GRM5: variants seen among roughly 807,000 people sequenced by gnomAD.
GRM5 encodes the protein metabotropic glutamate receptor 5.
In GRM5, 19 loss-of-function variants were observed where a neutral mutation model predicts 83.1. That is an observed-to-expected ratio of 0.23 (90% CI 0.16 to 0.34). GRM5 has a LOEUF of 0.34. Ranked by LOEUF, GRM5 falls within the 10% of genes least tolerant of loss-of-function variation. The pLI is 1.00. For synonymous variants in GRM5, 675 were observed against 633.6 expected (o/e 1.07, Z -0.98); for missense variants, 1,160 against 1,588.3 (o/e 0.73, Z 4.58).
intron 2 of GRM5, among the ~76,000 whole-genome samples, chr11:88,871,000 C>G (rs1373775022): frequency 6.6e-6 from 1 of 151,486 alleles, no homozygotes; most frequent in African/African-American, 2.4e-5. Flanking sequence ...GATGTGACCA[C>G]TGTACATTAT....
chr11:88,805,632 T>C (rs1399727881), intron 3 of GRM5, among the ~76,000 whole-genome samples: 1 of 152,252 alleles, frequency 6.6e-6, no homozygotes, highest in African/African-American at 2.4e-5. Flanking sequence ...GGTATTGATT[T>C]GACTATGAAT....
chr11:88,574,335 G>A (rs1943061579), intron 7 of GRM5, among the ~76,000 whole-genome samples: 1 of 152,136 alleles, frequency 6.6e-6, no homozygotes, highest in East Asian at 1.9e-4. Context: ...GAACTATTAT[G>A]TAGTGTTTTA....
At chr11:88,571,638 G>A (rs149235816) in intron 7 of GRM5, among the ~76,000 whole-genome samples, 36 of 152,260 alleles carry the variant, frequency 2.4e-4, no homozygotes, top group African/African-American at 8.7e-4. Flanking sequence ...TTTTGAATAA[G>A]CAACTTCAGT....
chr11:88,710,871 A>G (rs947757201), intron 3 of GRM5, among the ~76,000 whole-genome samples: 3 of 151,908 alleles, frequency 2.0e-5, no homozygotes, highest in Non-Finnish European at 4.4e-5. Context: ...GTAATGCTGA[A>G]AAATGAATTA....
chr11:88,509,235 G>C lies in GRM5; in HGVS notation c.2996C>G (p.Ala999Gly). The change falls in exon 10 of 10, where the codon GCG becomes GGG. Residue 999 changes from alanine to glycine, a missense_variant. Coordinates refer to ENST00000305447, the MANE Select transcript of GRM5 (RefSeq NM_001143831.3). ...GPESPDAGPK[A>G]LYDVAEAEEH... is the part of the protein sequence containing the mutation. ...CTCAGCCTCGGCCACATCATACAGC[G>C]CCTTGGGGCCGGCGTCTGGGGACTC... 3.3e-6 allele frequency: 5 copies of C among 1,502,230 alleles called. No homozygotes were observed. Among genetic ancestry groups the C allele is most frequent in the Non-Finnish European group, 4.4e-6 (5 of 1,128,558 alleles). The allele number at this position is 1,502,230 out of a possible 1,614,324, so 93.1% of individuals were successfully genotyped here. A position where few individuals can be genotyped will look rare whatever the true frequency, so the allele number is the denominator to read the frequency against.
At chr11:89,013,926 C>G (rs1940777869) in intron 2 of GRM5, among the ~76,000 whole-genome samples, 1 of 152,126 alleles carries the variant, frequency 6.6e-6, no homozygotes, top group African/African-American at 2.4e-5. Context: ...ATTCATGTAG[C>G]CTCCCACTTC....
chr11:88,661,615 A>T (rs1408198707), intron 3 of GRM5, among the ~76,000 whole-genome samples: 1 of 152,204 alleles, frequency 6.6e-6, no homozygotes, highest in Non-Finnish European at 1.5e-5. Context: ...TCTACGGACT[A>T]CTTGGCTGTT....
At position 88,504,956 on chromosome 11, in the gene GRM5, A is replaced by G. The variant is rs550526599; in HGVS notation, c.*3636T>C. On this transcript the variant is annotated 3_prime_UTR_variant, in exon 10 of 10. Coordinates refer to ENST00000305447, the MANE Select transcript of GRM5 (RefSeq NM_001143831.3). ...CATCTTTCTAAAACATCTATAATCT[A>G]TATAGATTTCTAATTACAACACCAT... is the stretch of plus-strand genomic sequence containing the variant. 1 of 152,316 alleles carries G rather than the reference A, an allele frequency of 6.6e-6. No homozygotes were observed. The highest frequency in any genetic ancestry group is 2.1e-4 in the South Asian group (1 of 4,828). The allele number at this position is 152,316 out of a possible 1,614,324, so 9.4% of individuals were successfully genotyped here.
chr11:88,687,582 A>ATATATAT (rs1940678854), intron 3 of GRM5, among the ~76,000 whole-genome samples: 2 of 78,370 alleles, frequency 2.6e-5, no homozygotes, highest in Non-Finnish European at 4.0e-5. Flanking sequence ...TATATATAAT[A>ATATATAT]TATATATATA....
intron 2 of GRM5, among the ~76,000 whole-genome samples, chr11:88,999,177 G>A (rs1226068419): frequency 6.6e-6 from 1 of 152,068 alleles, no homozygotes; most frequent in Non-Finnish European, 1.5e-5. Flanking sequence ...CATAGGCATG[G>A]GCAAAGACTT....
intron 2 of GRM5, among the ~76,000 whole-genome samples, chr11:89,026,575 T>A (rs1941135374): frequency 6.6e-6 from 1 of 152,226 alleles, no homozygotes; most frequent in Non-Finnish European, 1.5e-5. Flanking sequence ...TGTACCTTAG[T>A]TTCCTTGGTT....
chr11:89,037,009 CAG>C (rs1351743505), intron 2 of GRM5, among the ~76,000 whole-genome samples: 2 of 152,108 alleles, frequency 1.3e-5, no homozygotes. Context: ...TTGGGACACT[CAG>C]AGAATAGTGG....
intron 8 of GRM5, among the ~76,000 whole-genome samples, chr11:88,565,864 G>T (rs560563893): frequency 6.6e-6 from 1 of 152,148 alleles, no homozygotes; most frequent in Admixed American, 6.5e-5. Flanking sequence ...TAATGTAAAC[G>T]AATTGGACCT....
At chr11:88,884,242 C>G (rs188278010) in intron 2 of GRM5, among the ~76,000 whole-genome samples, 1 of 152,302 alleles carries the variant, frequency 6.6e-6, no homozygotes, top group East Asian at 1.9e-4. Context: ...ATCAGCATGA[C>G]TTGGATGTGA....
At chr11:88,717,648 T>C (rs536435950) in intron 3 of GRM5, among the ~76,000 whole-genome samples, 1 of 151,994 alleles carries the variant, frequency 6.6e-6, no homozygotes, top group South Asian at 2.1e-4. Context: ...TACAACTATG[T>C]AATTATGTTT....
intron 8 of GRM5, among the ~76,000 whole-genome samples, chr11:88,556,281 C>T (rs1942623709): frequency 6.6e-6 from 1 of 151,572 alleles, no homozygotes; most frequent in African/African-American, 2.4e-5. Flanking sequence ...AAAGAAAACT[C>T]ACATTTCATG....
At chr11:89,042,625 T>C (rs1007760332) in intron 2 of GRM5, among the ~76,000 whole-genome samples, 13 of 152,188 alleles carry the variant, frequency 8.5e-5, no homozygotes, top group African/African-American at 2.9e-4. Flanking sequence ...TTTTAAAAAT[T>C]ATTCAGTAGC....
chr11:88,512,891 A>G (rs963619979), intron 9 of GRM5, among the ~76,000 whole-genome samples: 5 of 152,232 alleles, frequency 3.3e-5, no homozygotes, highest in Non-Finnish European at 5.9e-5. Context: ...AGTGCAAAGT[A>G]AAATATTTGG....
At chr11:88,535,771 C>T (rs943120951) in intron 8 of GRM5, among the ~76,000 whole-genome samples, 2 of 151,940 alleles carry the variant, frequency 1.3e-5, no homozygotes, top group African/African-American at 4.8e-5. Flanking sequence ...TGTGTGTGTA[C>T]ACATGTGTGT....
Sources: allele counts gnomAD v4.1 joint callset (sites outside exome capture counted in the v4.1 genomes callset), GRCh38; gene constraint gnomAD v4.1.1; transcripts MANE v1.5; gene names NCBI Gene and HGNC (gene_info 2026-07-23, HGNC 2026-07-21).